Variants in LIN52 observed in about 807,000 individuals in gnomAD.
LIN52 encodes protein lin-52 homolog.
A neutral mutation model predicts 18.5 loss-of-function variants in LIN52; 4 were observed. The observed-to-expected ratio is 0.22, with a 90% CI of 0.11 to 0.49. The LOEUF is 0.49. LIN52 is among the 20% of genes least tolerant of loss of function. The pLI, the probability that LIN52 is intolerant of heterozygous loss-of-function variation, is 0.97. For missense variants in LIN52, 102 were observed against 139.5 expected, an observed-to-expected ratio of 0.73 and a Z score of 1.35; for synonymous variants, 34 against 45.5, an observed-to-expected ratio of 0.75 and a Z score of 1.02.
chr14:74,197,158 A>G (rs2078917941), intron 5 of LIN52, among the ~76,000 whole-genome samples: 3 of 152,218 alleles, frequency 2.0e-5, no homozygotes, highest in Non-Finnish European at 4.4e-5. Context: ...CTAACTAGTC[A>G]TATTTGTTAA....
At position 74,089,211 on chromosome 14, in the gene LIN52, T is replaced by C. The variant is rs527893530; in HGVS notation, c.20-2021T>C. ...AGGTAGAAACGACTAGATTTACTCA[T>C]GGATTGGTTATGGAAGGGTGAAGGA... On this transcript the variant is annotated intron_variant, in intron 1 of 5. Coordinates refer to ENST00000555028, the MANE Select transcript of LIN52 (RefSeq NM_001024674.3). 4.0e-4 allele frequency among the ~76,000 whole-genome samples: 61 copies of C among 152,224 alleles called. 1 individual carries two copies. The highest frequency in any genetic ancestry group is 1.4e-3 in the African/African-American group (58 of 41,550).
At chr14:74,113,503 A>G (rs2060942901) in intron 5 of LIN52, among the ~76,000 whole-genome samples, 1 of 152,184 alleles carries the variant, frequency 6.6e-6, no homozygotes, top group African/African-American at 2.4e-5. Flanking sequence ...TGAAAGCAAC[A>G]GCTCTGCTCA....
In LIN52 at chr14:74,199,234, C is replaced by T; in HGVS notation, c.*257C>T. The T allele has an allele frequency of 2.7e-6, 1 of 364,828 alleles. No individual in the cohort carries two copies. Among genetic ancestry groups the T allele is most frequent in the Non-Finnish European group, 4.9e-6 (1 of 202,844 alleles). 22.6% of individuals were successfully genotyped at this position (364,828 alleles called of 1,614,324 possible). ...CCTTCTTAGCCTCGGATATTGGTAA[C>T]AGCTGAGGGCATATCATTCTTAAAG... On this transcript the variant is annotated 3_prime_UTR_variant, in exon 6 of 6. Coordinates refer to ENST00000555028, the MANE Select transcript of LIN52 (RefSeq NM_001024674.3).
At chr14:74,180,932 G>A (rs1214816584) in intron 5 of LIN52, among the ~76,000 whole-genome samples, 1 of 151,732 alleles carries the variant, frequency 6.6e-6, no homozygotes, top group Non-Finnish European at 1.5e-5. Context: ...AACGTAGTGA[G>A]ACCCTGTCTA....
intron 2 of LIN52, among the ~76,000 whole-genome samples, chr14:74,093,782 A>T (rs564733397): frequency 1.3e-5 from 2 of 152,222 alleles, no homozygotes; most frequent in African/African-American, 4.8e-5. Context: ...CCTAGCTAAC[A>T]TGGCGAAACC....
chr14:74,125,117 T>C (rs2061021387), intron 5 of LIN52, among the ~76,000 whole-genome samples: 2 of 152,190 alleles, frequency 1.3e-5, no homozygotes, highest in East Asian at 1.9e-4. Flanking sequence ...TATAATCCTC[T>C]GGGTATATAC....
chr14:74,089,652 C>T (rs1164131503), intron 1 of LIN52, among the ~76,000 whole-genome samples: 1 of 152,050 alleles, frequency 6.6e-6, no homozygotes, highest in Non-Finnish European at 1.5e-5. Context: ...TACAGGCGTG[C>T]ACCACTGCAT....
intron 5 of LIN52, among the ~76,000 whole-genome samples, chr14:74,115,575 A>G (rs2060959794): frequency 1.3e-5 from 2 of 152,200 alleles, no homozygotes; most frequent in Admixed American, 6.5e-5. Flanking sequence ...TTAGCTTTGC[A>G]CCTATTTAGG....
At chr14:74,138,769 CAAAA>C (rs35627946) in intron 5 of LIN52, among the ~76,000 whole-genome samples, 6 of 113,856 alleles carry the variant, frequency 5.3e-5, no homozygotes, top group Admixed American at 9.3e-5. Context: ...GACCCTGCCT[CAAAA>C]AAAAAAAAAA....
At chr14:74,126,408 G>A (rs2061030243) in intron 5 of LIN52, among the ~76,000 whole-genome samples, 1 of 152,070 alleles carries the variant, frequency 6.6e-6, no homozygotes, top group African/African-American at 2.4e-5. Flanking sequence ...ATTGAAAACA[G>A]GTACTCAAAC....
chr14:74,192,231 A>C (rs891461516), intron 5 of LIN52, among the ~76,000 whole-genome samples: 2 of 152,170 alleles, frequency 1.3e-5, no homozygotes, highest in South Asian at 2.1e-4. Context: ...CATGACTGAC[A>C]AGAAGGCCAA....
At chr14:74,145,452 A>G (rs8019931) in intron 5 of LIN52, among the ~76,000 whole-genome samples, 118,051 of 152,176 alleles carry the variant, frequency 0.78, 46,114 homozygotes, top group Admixed American at 0.81. Context: ...CCACTTTTGT[A>G]GATCACCTGA....
intron 5 of LIN52, among the ~76,000 whole-genome samples, chr14:74,178,713 A>G (rs1442642245): frequency 4.0e-5 from 6 of 150,652 alleles, no homozygotes; most frequent in South Asian, 4.2e-4. Context: ...ACCCACCTCA[A>G]CCTCCCAAAG....
At chr14:74,171,736 CTTTTT>C (rs534860812) in intron 5 of LIN52, among the ~76,000 whole-genome samples, 1 of 122,698 alleles carries the variant, frequency 8.2e-6, no homozygotes, top group Admixed American at 8.8e-5. Flanking sequence ...TATTTTAATT[CTTTTT>C]TTTTTTTTTT....
chr14:74,092,083 G>A (rs2060775614), intron 2 of LIN52, among the ~76,000 whole-genome samples: 1 of 151,702 alleles, frequency 6.6e-6, no homozygotes, highest in South Asian at 2.1e-4. Context: ...CGATTGTCCT[G>A]CCTCAGCCTC....
intron 4 of LIN52, among the ~76,000 whole-genome samples, chr14:74,100,379 C>T (rs922087297): frequency 6.6e-6 from 1 of 152,186 alleles, no homozygotes; most frequent in African/African-American, 2.4e-5. Context: ...GCCATCATGG[C>T]TCACTACAGC....
chr14:74,143,000 A>G (rs564813244), intron 5 of LIN52, among the ~76,000 whole-genome samples: 1 of 151,438 alleles, frequency 6.6e-6, no homozygotes, highest in Admixed American at 6.6e-5. Flanking sequence ...TAAATCTAAT[A>G]AGCAAATAGA....
At chr14:74,086,049 A>T (rs906260250) in intron 1 of LIN52, among the ~76,000 whole-genome samples, 1 of 151,744 alleles carries the variant, frequency 6.6e-6, no homozygotes. Flanking sequence ...TTTAGATGTC[A>T]CCTCCCAAAG....
intron 5 of LIN52, among the ~76,000 whole-genome samples, chr14:74,196,610 T>C (rs771133639): frequency 1.3e-5 from 2 of 152,158 alleles, no homozygotes; most frequent in Non-Finnish European, 2.9e-5. Flanking sequence ...CCCAAAAGTA[T>C]AAGTAAATTT....
Sources: allele counts gnomAD v4.1 joint callset (sites outside exome capture counted in the v4.1 genomes callset), GRCh38; gene constraint gnomAD v4.1.1; transcripts MANE v1.5; gene names NCBI Gene and HGNC (gene_info 2026-07-23, HGNC 2026-07-21).